Variants in ANKRD44 observed in about 807,000 individuals in gnomAD.
ANKRD44 encodes the protein serine/threonine-protein phosphatase 6 regulatory ankyrin repeat subunit B.
Under a neutral mutation model 116.0 loss-of-function variants are expected in ANKRD44, and 35 were observed. That is an observed-to-expected ratio of 0.30 (90% CI 0.23 to 0.40). The LOEUF is 0.40. Among genes scored for constraint, ANKRD44 ranks in the 10% least tolerant of loss-of-function variants. ANKRD44 has a pLI of 1.00. For synonymous variants in ANKRD44, 435 were observed against 461.8 expected, an observed-to-expected ratio of 0.94 and a Z score of 0.74; for missense variants, 1,014 against 1,242.6, an observed-to-expected ratio of 0.82 and a Z score of 2.77.
At chr2:197,194,196 A>C (rs1395876632) in intron 1 of ANKRD44, among the ~76,000 whole-genome samples, 1 of 152,186 alleles carries the variant, frequency 6.6e-6, no homozygotes, top group African/African-American at 2.4e-5. Context: ...GGGAGCAAAA[A>C]TCAAACTGAG....
At chr2:197,130,258 A>C (rs2125361245) in intron 4 of ANKRD44, among the ~76,000 whole-genome samples, 1 of 152,310 alleles carries the variant, frequency 6.6e-6, no homozygotes, top group South Asian at 2.1e-4. Context: ...CACCAAAAAA[A>C]CTCACCCATT....
intron 4 of ANKRD44, among the ~76,000 whole-genome samples, chr2:197,127,546 T>G (rs932388070): frequency 6.6e-6 from 1 of 152,158 alleles, no homozygotes; most frequent in African/African-American, 2.4e-5. Context: ...GGCTAAAAAT[T>G]AATACCCAGG....
rs1194735443 is a variant in ANKRD44 at position 196,986,898 on chromosome 2, G to C, written c.*2693C>G. 1.6e-5 allele frequency: 16 copies of C among 985,246 alleles called. No homozygotes were observed. Among genetic ancestry groups the C allele is most frequent in the Non-Finnish European group, 1.9e-5 (16 of 829,848 alleles). 61.0% of individuals were successfully genotyped at this position (985,246 alleles called of 1,614,324 possible). On this transcript the variant is annotated 3_prime_UTR_variant, in exon 28 of 28. Coordinates refer to ENST00000282272, the MANE Select transcript of ANKRD44 (RefSeq NM_001195144.2). ...AGTCATTCAACTCCAATTTACATAA[G>C]AAAACATTATAGACAAAATCCCACT...
At chr2:196,984,884 T>A (rs1488042410), downstream of ANKRD44, among the ~76,000 whole-genome samples, 1 of 152,242 alleles carries the variant, frequency 6.6e-6, no homozygotes, top group Non-Finnish European at 1.5e-5. Context: ...TAATTGCTGT[T>A]CCTGCTGTTC....
chr2:197,251,237 A>C (rs1295362142), intron 1 of ANKRD44, among the ~76,000 whole-genome samples: 2 of 152,176 alleles, frequency 1.3e-5, no homozygotes, highest in Non-Finnish European at 2.9e-5. Flanking sequence ...TATGTTTCTG[A>C]GTAGCTTAAA....
At chr2:196,979,914 A>G (rs910194343) in intron 21 of ANKRD44, among the ~76,000 whole-genome samples, 1 of 152,136 alleles carries the variant, frequency 6.6e-6, no homozygotes, top group Non-Finnish European at 1.5e-5. Flanking sequence ...TTTTGTCACA[A>G]CCAGCATCTT....
At chr2:196,973,798 TG>T (rs1336778588) in intron 21 of ANKRD44, among the ~76,000 whole-genome samples, 1 of 152,236 alleles carries the variant, frequency 6.6e-6, no homozygotes, top group Non-Finnish European at 1.5e-5. Context: ...AAAACTTCCA[TG>T]ATTTCCTATT....
chr2:197,131,550 C>T (rs1369433494), intron 4 of ANKRD44, among the ~76,000 whole-genome samples: 1 of 152,186 alleles, frequency 6.6e-6, no homozygotes, highest in African/African-American at 2.4e-5. Context: ...AGTGTCCTCA[C>T]TCCTACACTC....
chr2:197,034,667 C>CG (rs1559008085), intron 16 of ANKRD44, among the ~76,000 whole-genome samples: 1 of 151,968 alleles, frequency 6.6e-6, no homozygotes, highest in Admixed American at 6.6e-5. Context: ...GAAGGTTCTA[C>CG]GTAGAGTCCA....
intron 16 of ANKRD44, among the ~76,000 whole-genome samples, chr2:197,033,656 G>A (rs1007608524): frequency 2.1e-4 from 21 of 99,548 alleles, no homozygotes; most frequent in African/African-American, 7.8e-4. Context: ...AGAATTATGT[G>A]TTGTTGTTGC....
chr2:196,983,439 A>G (rs2075816882), downstream of ANKRD44, among the ~76,000 whole-genome samples: 1 of 152,126 alleles, frequency 6.6e-6, no homozygotes, highest in Non-Finnish European at 1.5e-5. Flanking sequence ...GCCTTTGGGT[A>G]TTGGCACTAG....
At chr2:197,114,919 G>A (rs931977650) in intron 8 of ANKRD44, among the ~76,000 whole-genome samples, 2 of 152,152 alleles carry the variant, frequency 1.3e-5, no homozygotes, top group African/African-American at 2.4e-5. Flanking sequence ...GATGGAACGT[G>A]GTTGGCTCAC....
intron 2 of ANKRD44, chr2:197,147,913 T>A (rs1293948563): frequency 2.2e-6 from 1 of 455,170 alleles, no homozygotes; most frequent in African/African-American, 2.0e-5. Context: ...AGACTGTAGC[T>A]CAAATTTTAA....
chr2:196,977,548 C>G (rs1041410637), intron 21 of ANKRD44, among the ~76,000 whole-genome samples: 2 of 152,188 alleles, frequency 1.3e-5, no homozygotes, highest in Admixed American at 6.5e-5. Flanking sequence ...TTTGAACATA[C>G]ATTTGTCCAA....
chr2:197,127,996 T>C lies in ANKRD44; in HGVS notation c.262-1959A>G, dbSNP rs564717955. ...ATTCGTGTTCCTGGAAAGGACATGA[T>C]ATTGTTCCTTTTTATGGCTGCATAG... On this transcript the variant is annotated intron_variant, in intron 4 of 27. Coordinates refer to ENST00000282272, the MANE Select transcript of ANKRD44 (RefSeq NM_001195144.2). Among the ~76,000 whole-genome samples the C allele has an allele frequency of 3.3e-5, 5 of 152,318 alleles. No individual in the cohort carries two copies. In the South Asian group the frequency reaches 1.0e-3, roughly 32 times the overall value.
At position 197,222,813 on chromosome 2, in the gene ANKRD44, TTTATTTA is replaced by T. The variant is rs1574306016; in HGVS notation, c.28-35714_28-35708del. Among the ~76,000 whole-genome samples the T allele has an allele frequency of 2.5e-5, 3 of 121,340 alleles. No individual in the cohort carries two copies. The East Asian group carries it at 6.0e-4, about 24-fold the overall frequency. The allele number at this position is 121,340 out of a possible 152,430, so 79.6% of individuals were successfully genotyped here. A position where few individuals can be genotyped will look rare whatever the true frequency, so the allele number is the denominator to read the frequency against. On this transcript the variant is annotated intron_variant, in intron 1 of 27. Transcript: ENST00000282272. ...ATTTATTTATTTTATTTATTTTTTA[TTTATTTA>T]TTTTTTTTTTGAGACGGATTCTCAC...
intron 8 of ANKRD44, among the ~76,000 whole-genome samples, chr2:197,120,392 G>C (rs1354049288): frequency 6.6e-6 from 1 of 152,206 alleles, no homozygotes; most frequent in South Asian, 2.1e-4. Flanking sequence ...GCTCACACCT[G>C]TAATCCCAGC....
In ANKRD44 at chr2:196,988,739, T is replaced by C. The variant is rs2075867691; in HGVS notation, c.*852A>G. On this transcript the variant is annotated 3_prime_UTR_variant, in exon 28 of 28. Coordinates refer to ENST00000282272, the MANE Select transcript of ANKRD44 (RefSeq NM_001195144.2). ...CTGCTCTAATTCGACACATTTCTTT[T>C]CTGTCTCTTCCTCAAGTAGAAAATA... The C allele has an allele frequency of 2.0e-6, 2 of 985,346 alleles. No homozygotes were observed. Among genetic ancestry groups the C allele is most frequent in the South Asian group, 9.4e-5 (2 of 21,290 alleles). 61.0% of individuals were successfully genotyped at this position (985,346 alleles called of 1,614,324 possible). A position where few individuals can be genotyped will look rare whatever the true frequency, so the allele number is the denominator to read the frequency against.
At chr2:197,081,528 A>T in intron 15 of ANKRD44, 117 bp downstream of exon 15, 1 of 833,674 alleles carries the variant, frequency 1.2e-6, no homozygotes, top group Non-Finnish European at 2.0e-6. Flanking sequence ...AGCCCATATC[A>T]CTTCCTCAAG....
Sources: gnomAD v4.1 joint callset for allele counts (sites outside exome capture counted in the v4.1 genomes callset) on GRCh38, gnomAD v4.1.1 for gene constraint, MANE v1.5 for transcripts, NCBI Gene and HGNC (gene_info 2026-07-23, HGNC 2026-07-21) for gene names.